Variants in FBRSL1 observed in about 807,000 individuals in gnomAD.
FBRSL1 encodes the protein fibrosin-1-like protein.
In FBRSL1, 51 loss-of-function variants were observed where a neutral mutation model predicts 89.6. That is an observed-to-expected ratio of 0.57 (90% CI 0.45 to 0.72). FBRSL1 has a LOEUF of 0.72. Ranked by LOEUF, FBRSL1 falls within the 30% of genes least tolerant of loss-of-function variation. The pLI is 0.00. For missense variants in FBRSL1, 1,618 were observed against 1,451.8 expected (o/e 1.11, Z -1.86); for synonymous variants, 779 against 681.1 (o/e 1.14, Z -2.24).
rs1271326851 is a variant in FBRSL1, at chr12:132,583,115, C to T, written c.2346C>T (p.Val782=). Residue 782 remains valine (V), a synonymous_variant, in exon 19 of 19, where the codon GTC becomes GTT. Transcript: ENST00000680143. ...CGGAGCGCGAGGCCGAACCTCGGGT[C>T]AAGGAGAGCCGCTCCCCGGCCAAGG... ...APAEREAEPR[V]KESRSPAKEE... 3 of 1,458,062 alleles carry T rather than the reference C, an allele frequency of 2.1e-6. No individual in the cohort carries two copies. Among genetic ancestry groups the T allele is most frequent in the African/African-American group, 1.5e-5 (1 of 67,510 alleles). 90.3% of individuals were successfully genotyped at this position (1,458,062 alleles called of 1,614,324 possible). A position where few individuals can be genotyped will look rare whatever the true frequency, so the allele number is the denominator to read the frequency against.
intron 2 of FBRSL1, among the ~76,000 whole-genome samples, chr12:132,518,469 GTCCA>G (rs1285404974): frequency 7.0e-6 from 1 of 143,034 alleles, no homozygotes; most frequent in Non-Finnish European, 1.5e-5. Context: ...CCACCCGTCT[GTCCA>G]TCCATCCACC....
chr12:132,571,461 C>T (rs371768264), intron 9 of FBRSL1: 3 of 1,550,524 alleles, frequency 1.9e-6, no homozygotes, highest in African/African-American at 2.7e-5. Context: ...CACACCAGCA[C>T]CAACACACAT....
rs777752674 is a variant in FBRSL1 at position 132,551,504 on chromosome 12, G to A, written c.645+3472G>A. ...GGACGGAGTGGTGGGGAGGGCGCGG[G>A]CGCATGTCTCAGGCCAGTGCACTTC... On this transcript the variant is annotated intron_variant, in intron 5 of 18. Transcript: ENST00000680143. 429 of 456,316 alleles carry A rather than the reference G, an allele frequency of 9.4e-4. 2 individuals are homozygous for A. The highest frequency in any genetic ancestry group is 1.5e-3 in the South Asian group (96 of 64,572). The allele number at this position is 456,316 out of a possible 1,614,324, so 28.3% of individuals were successfully genotyped here. A position where few individuals can be genotyped will look rare whatever the true frequency, so the allele number is the denominator to read the frequency against.
At chr12:132,512,245 C>T (rs2034427665) in intron 2 of FBRSL1, among the ~76,000 whole-genome samples, 1 of 152,250 alleles carries the variant, frequency 6.6e-6, no homozygotes, top group Non-Finnish European at 1.5e-5. Context: ...TGGGGGGCAC[C>T]CATCCCCGGG....
At chr12:132,529,945 C>T (rs919852669) in intron 4 of FBRSL1, among the ~76,000 whole-genome samples, 1 of 152,256 alleles carries the variant, frequency 6.6e-6, no homozygotes, top group African/African-American at 2.4e-5. Flanking sequence ...TCTCAGGCAG[C>T]CTTGCTGTTG....
chr12:132,574,497 C>G lies in FBRSL1; in HGVS notation c.1634C>G (p.Pro545Arg). ...SDPYRAVVKKPGRWCAVHVQI... is the reference protein window; with the variant it reads ...SDPYRAVVKKRGRWCAVHVQI... ...AGCGCTTCCATCCTGTCGCAGAAGC[C>G]GGGGAGGTGGTGTGCCGTGCACGTG... The change falls in exon 14 of 19, where the codon CCG (proline) becomes CGG (arginine). Residue 545 changes from proline to arginine, a missense_variant. Physicochemically the swap from Pro to Arg is moderately radical, Grantham distance 103. Coordinates refer to ENST00000680143, the MANE Select transcript of FBRSL1 (RefSeq NM_001367871.1). 6.5e-7 allele frequency: 1 copy of G among 1,550,032 alleles called. No homozygotes were observed. Among genetic ancestry groups the G allele is most frequent in the Non-Finnish European group, 8.7e-7 (1 of 1,146,718 alleles).
At chr12:132,555,749 G>A (rs572857815) in intron 5 of FBRSL1, among the ~76,000 whole-genome samples, 7 of 152,342 alleles carry the variant, frequency 4.6e-5, no homozygotes, top group Admixed American at 4.6e-4. Context: ...TCCTGTGTGT[G>A]TGTCTTTGTG....
chr12:132,535,907 G>A (rs1038609139), intron 4 of FBRSL1, among the ~76,000 whole-genome samples: 10 of 150,020 alleles, frequency 6.7e-5, no homozygotes, highest in African/African-American at 2.5e-4. Flanking sequence ...GTGAGTGCAC[G>A]TGTGTCCATG....
intron 3 of FBRSL1, among the ~76,000 whole-genome samples, chr12:132,527,331 C>G (rs1447788297): frequency 1.3e-5 from 2 of 152,232 alleles, no homozygotes; most frequent in Admixed American, 1.3e-4. Context: ...GGCCTTCCCT[C>G]TTGGGGACAG....
In FBRSL1 at chr12:132,582,286, C is replaced by G. The variant is rs139578080; in HGVS notation, c.2201+20C>G. ...GGAACGGTGAGTGGCCCTCTTGTTC[C>G]GTATCCCCACCACACACCCCTACCC... On this transcript the variant is annotated intron_variant, in intron 18 of 18. Transcript: ENST00000680143. 14 of 1,545,172 alleles carry G rather than the reference C, an allele frequency of 9.1e-6. No individual in the cohort carries two copies. In the African/African-American group the frequency reaches 1.8e-4, roughly 20 times the overall value.
intron 4 of FBRSL1, among the ~76,000 whole-genome samples, chr12:132,531,574 C>T (rs923875991): frequency 2.0e-5 from 3 of 151,892 alleles, no homozygotes; most frequent in African/African-American, 7.3e-5. Flanking sequence ...TGTGCACCCG[C>T]GTGTGTGTGA....
chr12:132,551,009 C>G (rs1593452045), intron 5 of FBRSL1: 2 of 254,818 alleles, frequency 7.8e-6, no homozygotes, highest in East Asian at 1.8e-4. Context: ...CTGGCCGTCC[C>G]CAGCCCTCCT....
At chr12:132,560,218 G>A (rs1389929634) in intron 5 of FBRSL1, 1 of 151,990 alleles carries the variant, frequency 6.6e-6, no homozygotes, top group African/African-American at 2.4e-5. Flanking sequence ...CGACTGCCTG[G>A]GGCGCCGGCG....
chr12:132,490,890 G>C, intron 1 of FBRSL1, 29 bp downstream of exon 1: 3 of 1,317,424 alleles, frequency 2.3e-6, no homozygotes, highest in Non-Finnish European at 2.9e-6. Context: ...CTTCGCAGGC[G>C]TTGAGGCGAG....
At position 132,547,998 on chromosome 12, in the gene FBRSL1, T is replaced by C; in HGVS notation, c.616-5T>C. 1 of 1,550,070 alleles carries C rather than the reference T, an allele frequency of 6.5e-7. No individual in the cohort carries two copies. Among genetic ancestry groups the C allele is most frequent in the Non-Finnish European group, 8.7e-7 (1 of 1,146,662 alleles). ...CGACTCACTTCTGTCTCTCTGTCCCTGCAGTGTGACAGCGAGAGCGGCCCG... is the reference window on the plus strand; with the variant it reads ...CGACTCACTTCTGTCTCTCTGTCCCCGCAGTGTGACAGCGAGAGCGGCCCG... On this transcript the variant is annotated splice_polypyrimidine_tract_variant and splice_region_variant and intron_variant, in intron 4 of 18. Coordinates refer to ENST00000680143, the MANE Select transcript of FBRSL1 (RefSeq NM_001367871.1).
chr12:132,491,592 G>A (rs2030981952), intron 1 of FBRSL1, among the ~76,000 whole-genome samples: 2 of 152,232 alleles, frequency 1.3e-5, no homozygotes, highest in Non-Finnish European at 2.9e-5. Context: ...ACTTACTTTG[G>A]GGGACCCTCA....
chr12:132,539,351 C>T (rs577898759), intron 4 of FBRSL1, among the ~76,000 whole-genome samples: 6 of 147,504 alleles, frequency 4.1e-5, no homozygotes, highest in Non-Finnish European at 6.0e-5. Context: ...CAGCCCGATG[C>T]CCACCCAGTC....
At chr12:132,557,685 G>A (rs754229645) in intron 5 of FBRSL1, among the ~76,000 whole-genome samples, 29 of 152,338 alleles carry the variant, frequency 1.9e-4, no homozygotes, top group Non-Finnish European at 3.5e-4. Context: ...CGGCCACATT[G>A]AGACTGGCCG....
rs938740039 is a variant in FBRSL1, at chr12:132,527,874, C to T, written c.580-79C>T. The T allele has an allele frequency of 9.5e-6, 13 of 1,367,982 alleles. No individual in the cohort carries two copies. The East Asian group carries it at 1.0e-4, about 11-fold the overall frequency. 84.7% of individuals were successfully genotyped at this position (1,367,982 alleles called of 1,614,324 possible). On this transcript the variant is annotated intron_variant, in intron 3 of 18. Coordinates refer to ENST00000680143, the MANE Select transcript of FBRSL1 (RefSeq NM_001367871.1). The stretch of plus-strand genomic sequence containing the variant: ...GGGCAGGGCTAAGGGCTGAGGGCTG[C>T]AGGGCAGCTGTCGGGTGCATCCCTG...
Sources: allele counts gnomAD v4.1 joint callset (sites outside exome capture counted in the v4.1 genomes callset), GRCh38; gene constraint gnomAD v4.1.1; transcripts MANE v1.5; gene names NCBI Gene and HGNC (gene_info 2026-07-23, HGNC 2026-07-21).